The following PDZD8 variants were observed in gnomAD, a reference collection of about 807,000 sequenced individuals.
PDZD8 encodes PDZ domain-containing protein 8.
PDZD8 carries 14 observed loss-of-function variants against 85.8 expected under a neutral mutation model. That is an observed-to-expected ratio of 0.16 (90% CI 0.11 to 0.26). The LOEUF (loss-of-function observed/expected upper bound fraction) is 0.26, where lower values mean the gene tolerates loss of function less well. Among genes scored for constraint, PDZD8 ranks in the 10% least tolerant of loss-of-function variants. The pLI, the probability that PDZD8 is intolerant of heterozygous loss-of-function variation, is 1.00. For synonymous variants in PDZD8, 592 were observed against 568.6 expected (o/e 1.04, Z -0.59); for missense variants, 1,197 against 1,424.3 (o/e 0.84, Z 2.57).
chr10:117,362,971 GAACT>G (rs1845023798), intron 1 of PDZD8, among the ~76,000 whole-genome samples: 1 of 151,968 alleles, frequency 6.6e-6, no homozygotes, highest in African/African-American at 2.4e-5. Context: ...TAAACATTAA[GAACT>G]AACAAGATTT....
At chr10:117,308,781 A>G (rs1843987329) in intron 3 of PDZD8, among the ~76,000 whole-genome samples, 1 of 152,128 alleles carries the variant, frequency 6.6e-6, no homozygotes, top group African/African-American at 2.4e-5. Context: ...TTACATCTCA[A>G]TTTCCTCATA....
intron 3 of PDZD8, among the ~76,000 whole-genome samples, chr10:117,295,173 A>G (rs371458333): frequency 4.6e-5 from 7 of 152,156 alleles, no homozygotes; most frequent in African/African-American, 1.7e-4. Flanking sequence ...ACCACCACCA[A>G]CAAAACCCAA....
At chr10:117,353,582 C>T (rs533703438) in intron 1 of PDZD8, among the ~76,000 whole-genome samples, 4 of 152,136 alleles carry the variant, frequency 2.6e-5, no homozygotes, top group East Asian at 1.9e-4. Flanking sequence ...AAGCTAGATG[C>T]TAAAGAATTA....
chr10:117,299,034 C>T (rs972677828), intron 3 of PDZD8, among the ~76,000 whole-genome samples: 1 of 152,114 alleles, frequency 6.6e-6, no homozygotes, highest in Non-Finnish European at 1.5e-5. Flanking sequence ...TCCTCACAGT[C>T]CTAATCCACA....
Position 117,284,010 on chromosome 10 carries a change from T to C in PDZD8, c.2723A>G (p.Glu908Gly). The C allele has an allele frequency of 6.2e-7, 1 of 1,614,198 alleles. No homozygotes were observed. Among genetic ancestry groups the C allele is most frequent in the East Asian group, 2.2e-5 (1 of 44,880 alleles). Reference protein sequence around the residue: ...IDRTLKNLRLEGQETLLGLPP... With the variant: ...IDRTLKNLRLGGQETLLGLPP... ...CAGGCCTAAGAGGGTTTCCTGTCCTTCCAGCCTAAGGTTTTTCAGTGTCCT... is the reference window on the plus strand; with the variant it reads ...CAGGCCTAAGAGGGTTTCCTGTCCTCCCAGCCTAAGGTTTTTCAGTGTCCT... Residue 908 changes from glutamate to glycine, a missense_variant, in exon 5 of 5, where the codon GAA (glutamate) becomes GGA (glycine). Coordinates refer to ENST00000334464, the MANE Select transcript of PDZD8 (RefSeq NM_173791.5).
In PDZD8 at chr10:117,277,721, C is replaced by T. The variant is rs1844519877; in HGVS notation, c.*5547G>A. 1 of 152,624 alleles carries T rather than the reference C, an allele frequency of 6.6e-6. No homozygotes were observed. The highest frequency in any genetic ancestry group is 1.5e-5 in the Non-Finnish European group (1 of 68,424). 9.5% of individuals were successfully genotyped at this position (152,624 alleles called of 1,614,324 possible). The stretch of plus-strand genomic sequence containing the variant: ...GTCTGAAAAACAGAATCAAGTAAGA[C>T]AGCATGTTATATAGTGACACTGAAT... On this transcript the variant is annotated 3_prime_UTR_variant, in exon 5 of 5. Transcript: ENST00000334464.
rs192422881 is a variant in PDZD8 at position 117,372,366 on chromosome 10, T to C, written c.872+1990A>G. On this transcript the variant is annotated intron_variant, in intron 1 of 4. Coordinates refer to ENST00000334464, the MANE Select transcript of PDZD8 (RefSeq NM_173791.5). ...AACTTCTCAATGCCTCCATAACTTA[T>C]TCATAACTTACTTCAGATTTACCTA... Among the ~76,000 whole-genome samples the C allele has an allele frequency of 2.6e-5, 4 of 152,048 alleles. 1 individual carries two copies. In the East Asian group the frequency reaches 7.7e-4, roughly 29 times the overall value.
rs1440876197 is a variant in PDZD8 at position 117,278,999 on chromosome 10, C to T, written c.*4269G>A. 6.6e-6 allele frequency: 1 copy of T among 152,142 alleles called. No individual in the cohort carries two copies. The highest frequency in any genetic ancestry group is 1.5e-5 in the Non-Finnish European group (1 of 68,030). The allele number at this position is 152,142 out of a possible 1,614,324, so 9.4% of individuals were successfully genotyped here. The stretch of plus-strand genomic sequence containing the variant: ...TGAGGGTTTCTGGTTCTCCCTGCCC[C>T]CAATACCATATACTTTATTGCAATT... On this transcript the variant is annotated 3_prime_UTR_variant, in exon 5 of 5. Coordinates refer to ENST00000334464, the MANE Select transcript of PDZD8 (RefSeq NM_173791.5).
intron 2 of PDZD8, among the ~76,000 whole-genome samples, chr10:117,319,932 T>A (rs1228149525): frequency 2.0e-5 from 3 of 151,844 alleles, no homozygotes; most frequent in African/African-American, 2.4e-5. Context: ...AATGAAAAGG[T>A]GGATAAAACA....
chr10:117,323,813 G>A lies in PDZD8; in HGVS notation c.996-4839C>T, dbSNP rs182928480. 2.2e-4 allele frequency among the ~76,000 whole-genome samples: 33 copies of A among 152,230 alleles called. No homozygotes were observed. The East Asian group carries it at 6.2e-3, about 29-fold the overall frequency. On this transcript the variant is annotated intron_variant, in intron 2 of 4. Coordinates refer to ENST00000334464, the MANE Select transcript of PDZD8 (RefSeq NM_173791.5). ...AGTGTTTTTCCATTTGCACTATGTG[G>A]TCTATCATCCAGACCTGCGTGCTAG... is the stretch of plus-strand genomic sequence containing the variant.
In PDZD8 at chr10:117,279,771, A is replaced by C. The variant is rs1449667255; in HGVS notation, c.*3497T>G. Reference sequence around the variant, plus strand: ...ACTTAATCCCGGGGGAGTTTGTAAAACCGTTGAAATCTGATACATTTTGAA... The same window carrying C: ...ACTTAATCCCGGGGGAGTTTGTAAACCCGTTGAAATCTGATACATTTTGAA... On this transcript the variant is annotated 3_prime_UTR_variant, in exon 5 of 5. Transcript: ENST00000334464. The C allele has an allele frequency of 3.3e-5, 5 of 152,134 alleles. No individual in the cohort carries two copies. Among genetic ancestry groups the C allele is most frequent in the Non-Finnish European group, 7.3e-5 (5 of 68,028 alleles). The allele number at this position is 152,134 out of a possible 1,614,324, so 9.4% of individuals were successfully genotyped here. A position where few individuals can be genotyped will look rare whatever the true frequency, so the allele number is the denominator to read the frequency against.
At position 117,279,379 on chromosome 10, in the gene PDZD8, G is replaced by C. The variant is rs1032697343; in HGVS notation, c.*3889C>G. ...GAATATTCAACTGTTTGACTGCTAA[G>C]TGTATCTGTCCATATTTTAGCAAGT... On this transcript the variant is annotated 3_prime_UTR_variant, in exon 5 of 5. Coordinates refer to ENST00000334464, the MANE Select transcript of PDZD8 (RefSeq NM_173791.5). 1 of 152,182 alleles carries C rather than the reference G, an allele frequency of 6.6e-6. No individual in the cohort carries two copies. Among genetic ancestry groups the C allele is most frequent in the African/African-American group, 2.4e-5 (1 of 41,442 alleles). The allele number at this position is 152,182 out of a possible 1,614,324, so 9.4% of individuals were successfully genotyped here. A position where few individuals can be genotyped will look rare whatever the true frequency, so the allele number is the denominator to read the frequency against.
chr10:117,331,689 G>A (rs1276538571), intron 2 of PDZD8, among the ~76,000 whole-genome samples: 1 of 152,110 alleles, frequency 6.6e-6, no homozygotes, highest in African/African-American at 2.4e-5. Flanking sequence ...TTTTAAAAAA[G>A]AGCACTGGTA....
intron 1 of PDZD8, among the ~76,000 whole-genome samples, chr10:117,373,384 C>G (rs1462063418): frequency 2.0e-5 from 3 of 151,920 alleles, no homozygotes; most frequent in African/African-American, 7.3e-5. Context: ...TACAATCTAC[C>G]CAAAATGGGC....
intron 3 of PDZD8, among the ~76,000 whole-genome samples, chr10:117,300,231 A>C (rs1843824159): frequency 6.6e-6 from 1 of 152,080 alleles, no homozygotes; most frequent in South Asian, 2.1e-4. Context: ...TGGCTTCCTA[A>C]TTCCTATTAT....
intron 3 of PDZD8, among the ~76,000 whole-genome samples, chr10:117,310,512 AT>A (rs756587228): frequency 1.1e-4 from 17 of 152,204 alleles, no homozygotes; most frequent in Non-Finnish European, 2.4e-4. Context: ...TCTTAGAATC[AT>A]AGTAAACATA....
Position 117,374,793 on chromosome 10 carries a change from C to G in PDZD8, c.435G>C (p.Leu145=), listed in dbSNP as rs1357185022. The stretch of plus-strand genomic sequence containing the variant: ...CCGTCTCGCCCAGGAACACGTCCCG[C>G]AGGCTCAGCCCCTCCAGCAGGCGCC... The part of the protein sequence containing the change: ...TAGRLLEGLS[L]RDVFLGETVP... The change falls in exon 1 of 5, where the codon CTG becomes CTC. Residue 145 remains leucine (L), a synonymous_variant. Coordinates refer to ENST00000334464, the MANE Select transcript of PDZD8 (RefSeq NM_173791.5). The surrounding 1 kb of genome is among the most constrained non-coding windows in gnomAD (Gnocchi z 7.8). 1.2e-6 allele frequency: 2 copies of G among 1,613,208 alleles called. No homozygotes were observed. The highest frequency in any genetic ancestry group is 1.1e-5 in the South Asian group (1 of 91,076).
chr10:117,293,624 G>A (rs1279736525), intron 3 of PDZD8, among the ~76,000 whole-genome samples: 5 of 152,080 alleles, frequency 3.3e-5, no homozygotes, highest in South Asian at 4.1e-4. Flanking sequence ...GCTGCTGCTA[G>A]AGGTATAACT....
At chr10:117,363,842 T>C (rs183752884) in intron 1 of PDZD8, among the ~76,000 whole-genome samples, 1 of 152,288 alleles carries the variant, frequency 6.6e-6, no homozygotes, top group Non-Finnish European at 1.5e-5. Flanking sequence ...CAGGCGTAAA[T>C]ACTCAATGTG....
Sources: gnomAD v4.1 joint callset for allele counts (sites outside exome capture counted in the v4.1 genomes callset) on GRCh38, gnomAD v4.1.1 for gene constraint, Gnocchi (gnomAD v3.1) non-coding constraint, MANE v1.5 for transcripts, NCBI Gene and HGNC (gene_info 2026-07-23, HGNC 2026-07-21) for gene names.